Variants in RBKS observed in about 807,000 individuals in gnomAD.
The protein encoded by RBKS is ribokinase.
RBKS carries 33 observed loss-of-function variants against 33.9 expected under a neutral mutation model. The observed-to-expected ratio is 0.97, with a 90% CI of 0.74 to 1.30. RBKS has a LOEUF of 1.30. Ranked by LOEUF, RBKS falls within the 50% of genes most tolerant of loss-of-function variation. The pLI is 0.00. For missense variants in RBKS, 361 were observed against 392.6 expected (o/e 0.92, Z 0.68); for synonymous variants, 125 against 143.0 (o/e 0.87, Z 0.90).
At chr2:27,858,734 T>C (rs1028247839) in intron 1 of RBKS, among the ~76,000 whole-genome samples, 163 bp from the exon 2 acceptor site, 1 of 152,158 alleles carries the variant, frequency 6.6e-6, no homozygotes, top group South Asian at 2.1e-4. Flanking sequence ...AGGATGACAT[T>C]TAGTAGTTTG....
At chr2:27,840,807 T>C (rs1436226567) in intron 5 of RBKS, among the ~76,000 whole-genome samples, 2 of 152,156 alleles carry the variant, frequency 1.3e-5, no homozygotes, top group African/African-American at 2.4e-5. Context: ...AGTGCGACAC[T>C]GTTTGAACAA....
intron 7 of RBKS, chr2:27,782,541 C>G (rs897160220): frequency 4.5e-6 from 2 of 443,716 alleles, no homozygotes; most frequent in Admixed American, 2.5e-5. Flanking sequence ...TAGCACATAC[C>G]TTAATTGGGA....
chr2:27,869,748 G>C (rs1353406147), intron 1 of RBKS: 1 of 181,022 alleles, frequency 5.5e-6, no homozygotes, highest in Admixed American at 6.2e-5. Flanking sequence ...GGTCCTATCT[G>C]GGGGTGACGG....
intron 4 of RBKS, among the ~76,000 whole-genome samples, chr2:27,844,728 T>C (rs902203980): frequency 2.0e-5 from 3 of 152,208 alleles, no homozygotes; most frequent in African/African-American, 4.8e-5. Flanking sequence ...ACTGTAATGA[T>C]AATATTTTGG....
chr2:27,831,332 T>C (rs540423068), intron 6 of RBKS, among the ~76,000 whole-genome samples: 1 of 152,240 alleles, frequency 6.6e-6, no homozygotes, highest in Non-Finnish European at 1.5e-5. Context: ...GACAGAAGAA[T>C]TGAATAAGTA....
At chr2:27,856,445 T>C (rs1274628715) in intron 2 of RBKS, among the ~76,000 whole-genome samples, 1 of 152,190 alleles carries the variant, frequency 6.6e-6, no homozygotes, top group Non-Finnish European at 1.5e-5. Flanking sequence ...TCCTCTCCTA[T>C]CCACTCATAT....
chr2:27,783,568 A>G (rs150222275), intron 7 of RBKS, among the ~76,000 whole-genome samples: 38 of 152,230 alleles, frequency 2.5e-4, no homozygotes, highest in African/African-American at 3.6e-4. Flanking sequence ...TTGTCTAACA[A>G]TTGTGTTCAG....
At chr2:27,857,744 G>A (rs1663887300) in intron 2 of RBKS, among the ~76,000 whole-genome samples, 1 of 152,176 alleles carries the variant, frequency 6.6e-6, no homozygotes, top group Non-Finnish European at 1.5e-5. Flanking sequence ...ATTACATTCA[G>A]GGAATGCAGC....
chr2:27,860,973 CTCTT>C (rs969163285), intron 1 of RBKS, among the ~76,000 whole-genome samples: 47 of 137,690 alleles, frequency 3.4e-4, no homozygotes, highest in African/African-American at 1.2e-3. Flanking sequence ...CTCTCTTTCT[CTCTT>C]TTTTTTTTTA....
At chr2:27,845,704 A>T (rs1396373164) in intron 4 of RBKS, among the ~76,000 whole-genome samples, 1 of 152,222 alleles carries the variant, frequency 6.6e-6, no homozygotes, top group Non-Finnish European at 1.5e-5. Context: ...GCTACTTGGA[A>T]TCACTAAAGC....
intron 2 of RBKS, among the ~76,000 whole-genome samples, chr2:27,857,660 T>C (rs1663884429): frequency 1.3e-5 from 2 of 152,188 alleles, no homozygotes; most frequent in African/African-American, 4.8e-5. Flanking sequence ...CATGCTGTTG[T>C]TTAGAAGCTG....
intron 7 of RBKS, among the ~76,000 whole-genome samples, chr2:27,827,356 C>T (rs886592348): frequency 2.6e-5 from 4 of 152,116 alleles, no homozygotes; most frequent in Admixed American, 1.3e-4. Flanking sequence ...GAGGAAACTA[C>T]GTCTCAGAGA....
intron 5 of RBKS, among the ~76,000 whole-genome samples, chr2:27,835,121 T>C (rs1678490330): frequency 6.6e-6 from 1 of 151,386 alleles, no homozygotes; most frequent in Non-Finnish European, 1.5e-5. Flanking sequence ...ACTAAAAGTA[T>C]AAAAATTAGC....
In RBKS at chr2:27,863,334, C is replaced by CT. The variant is rs1242151574; in HGVS notation, c.90-4764dup. Among the ~76,000 whole-genome samples the CT allele has an allele frequency of 2.6e-5, 4 of 152,234 alleles. No individual in the cohort carries two copies. The South Asian group carries it at 8.3e-4, about 32-fold the overall frequency. ...AGCCTGGGTGTGCCAGGCAGGAGGC[C>CT]TGAGCCACTTACTGATTGTATTACT... is the stretch of plus-strand genomic sequence containing the variant. On this transcript the variant is annotated intron_variant, in intron 1 of 7. Transcript: ENST00000302188.
chr2:27,852,722 G>A lies in RBKS; in HGVS notation c.223-4625C>T, dbSNP rs886740425. Among the ~76,000 whole-genome samples, 5 of 152,144 alleles carry A rather than the reference G, an allele frequency of 3.3e-5. No homozygotes were observed. The South Asian group carries it at 1.0e-3, about 31-fold the overall frequency. On this transcript the variant is annotated intron_variant, in intron 2 of 7. Transcript: ENST00000302188. ...AAGGCCACATGAAATTGAATATTCT[G>A]CTCAAGAAGTTATCACATATATTAA... is the stretch of plus-strand genomic sequence containing the variant.
chr2:27,858,782 T>A (rs780190436), intron 1 of RBKS, among the ~76,000 whole-genome samples: 2 of 152,170 alleles, frequency 1.3e-5, no homozygotes, highest in Non-Finnish European at 2.9e-5. Flanking sequence ...ACAGAATTCC[T>A]CTCTCTCTCC....
chr2:27,889,196 G>C (rs949549195), intron 1 of RBKS, among the ~76,000 whole-genome samples: 1 of 152,126 alleles, frequency 6.6e-6, no homozygotes, highest in African/African-American at 2.4e-5. Flanking sequence ...AGGTTAAATT[G>C]GTTACATGAA....
chr2:27,793,500 G>A (rs936415906), intron 7 of RBKS, among the ~76,000 whole-genome samples: 12 of 152,180 alleles, frequency 7.9e-5, no homozygotes, highest in African/African-American at 2.4e-4. Context: ...ACAAGGTCAC[G>A]GATGTAGTAT....
chr2:27,791,567 C>G (rs1677520404), intron 7 of RBKS, among the ~76,000 whole-genome samples: 1 of 151,466 alleles, frequency 6.6e-6, no homozygotes, highest in African/African-American at 2.4e-5. Context: ...AGATCGTGGG[C>G]CTTCATGGCT....
Sources: gnomAD v4.1 joint callset for allele counts (sites outside exome capture counted in the v4.1 genomes callset) on GRCh38, gnomAD v4.1.1 for gene constraint, MANE v1.5 for transcripts, NCBI Gene and HGNC (gene_info 2026-07-23, HGNC 2026-07-21) for gene names.